ELAC1: variants seen among roughly 807,000 people sequenced by gnomAD.
ELAC1 encodes zinc phosphodiesterase ELAC protein 1.
A neutral mutation model predicts 25.8 loss-of-function variants in ELAC1; 19 were observed. The ratio of observed to expected loss-of-function variants is 0.74; its 90% CI spans 0.51 to 1.08. ELAC1 has a LOEUF of 1.08. Among genes scored for constraint, ELAC1 ranks in the 50% least tolerant of loss-of-function variants. The pLI, the probability that ELAC1 is intolerant of heterozygous loss-of-function variation, is 0.00. For missense variants in ELAC1, 403 were observed against 434.6 expected (o/e 0.93, Z 0.65); for synonymous variants, 148 against 160.9 (o/e 0.92, Z 0.61).
intron 2 of ELAC1, among the ~76,000 whole-genome samples, chr18:50,983,693 A>T (rs1223945696): frequency 6.4e-5 from 5 of 78,062 alleles, no homozygotes; most frequent in African/African-American, 1.6e-4. Flanking sequence ...TACAAAATTA[A>T]AAAAAAAAAA....
chr18:50,981,115 A>G (rs1276407813), intron 2 of ELAC1, among the ~76,000 whole-genome samples: 1 of 130,376 alleles, frequency 7.7e-6, no homozygotes, highest in African/African-American at 3.1e-5. Context: ...CTACTCTTCC[A>G]AGTCTTCCAT....
At position 50,977,582 on chromosome 18, in the gene ELAC1, G is replaced by A. The variant is rs549794200; in HGVS notation, c.157+3021G>A. Among the ~76,000 whole-genome samples the A allele has an allele frequency of 1.0e-3, 159 of 152,286 alleles. 1 individual carries two copies. Among genetic ancestry groups the A allele is most frequent in the African/African-American group, 3.8e-3 (156 of 41,568 alleles). On this transcript the variant is annotated intron_variant, in intron 2 of 3. Transcript: ENST00000269466. ...AACCGTTTTTCCCTCCTAGGCCTCTGGGCACGTGATGGGAGGGGCTGCTGT... is the reference window on the plus strand; with the variant it reads ...AACCGTTTTTCCCTCCTAGGCCTCTAGGCACGTGATGGGAGGGGCTGCTGT...
chr18:50,975,793 T>C (rs1206346768), intron 2 of ELAC1, among the ~76,000 whole-genome samples: 1 of 152,036 alleles, frequency 6.6e-6, no homozygotes, highest in East Asian at 1.9e-4. Flanking sequence ...TCATGTAATG[T>C]GATAAGTAGA....
intron 2 of ELAC1, among the ~76,000 whole-genome samples, chr18:50,975,163 C>G (rs1907769862): frequency 6.6e-6 from 1 of 152,134 alleles, no homozygotes; most frequent in Admixed American, 6.5e-5. Context: ...CTGGCTGTGT[C>G]TTGGGCCTGT....
At chr18:50,978,844 T>C (rs1204588016) in intron 2 of ELAC1, among the ~76,000 whole-genome samples, 1 of 151,782 alleles carries the variant, frequency 6.6e-6, no homozygotes, top group African/African-American at 2.4e-5. Flanking sequence ...AGGAAAAGAG[T>C]TGTTGGAGGA....
rs1195239004 is a variant in ELAC1, at chr18:50,987,841, C to T, written c.*756C>T. 1.3e-5 allele frequency: 2 copies of T among 152,146 alleles called. No homozygotes were observed. The highest frequency in any genetic ancestry group is 4.1e-4 in the South Asian group (2 of 4,830). The allele number at this position is 152,146 out of a possible 1,614,324, so 9.4% of individuals were successfully genotyped here. On this transcript the variant is annotated 3_prime_UTR_variant, in exon 4 of 4. Transcript: ENST00000269466. ...TCATATACAATAAAGAATCATCTCA[C>T]CCCGAAATGCAAATTGCAGGCCCAT...
chr18:50,974,651 C>A, intron 2 of ELAC1, 90 bp downstream of exon 2: 2 of 1,289,038 alleles, frequency 1.6e-6, no homozygotes, highest in Non-Finnish European at 2.2e-6. Context: ...TTAGAAACAG[C>A]CCTGATGGTT....
chr18:50,970,514 A>T (rs1190317062), intron 1 of ELAC1, among the ~76,000 whole-genome samples: 1 of 152,184 alleles, frequency 6.6e-6, no homozygotes, highest in Non-Finnish European at 1.5e-5. Flanking sequence ...GTGATAATGT[A>T]GAGTAACACA....
At position 50,987,171 on chromosome 18, in the gene ELAC1, T is replaced by C; in HGVS notation, c.*86T>C. 1 of 1,010,148 alleles carries C rather than the reference T, an allele frequency of 9.9e-7. No individual in the cohort carries two copies. Among genetic ancestry groups the C allele is most frequent in the Admixed American group, 3.2e-5 (1 of 31,626 alleles). 62.6% of individuals were successfully genotyped at this position (1,010,148 alleles called of 1,614,324 possible). ...AGTTTTTTTATTTCTTGTTTTAGTC[T>C]GAAATTATTTGGGCCCTAATAATCC... On this transcript the variant is annotated 3_prime_UTR_variant, in exon 4 of 4. Transcript: ENST00000269466.
Position 50,987,700 on chromosome 18 carries a change from G to T in ELAC1, c.*615G>T, listed in dbSNP as rs982909325. On this transcript the variant is annotated 3_prime_UTR_variant, in exon 4 of 4. Coordinates refer to ENST00000269466, the MANE Select transcript of ELAC1 (RefSeq NM_018696.3). ...CTCTAGAAGCAGGTTTGAAATTATG[G>T]GTATGTTTTCTTGTCACAGTGACTG... The T allele has an allele frequency of 1.3e-5, 2 of 152,150 alleles. No homozygotes were observed. The highest frequency in any genetic ancestry group is 2.9e-5 in the Non-Finnish European group (2 of 68,030). The allele number at this position is 152,150 out of a possible 1,614,324, so 9.4% of individuals were successfully genotyped here.
intron 2 of ELAC1, among the ~76,000 whole-genome samples, chr18:50,975,155 G>C (rs1448531757): frequency 6.6e-6 from 1 of 152,096 alleles, no homozygotes; most frequent in African/African-American, 2.4e-5. Flanking sequence ...TTCTAGTCCT[G>C]GCTGTGTCTT....
rs111306179 is a variant in ELAC1 at position 50,972,473 on chromosome 18, A to T, written c.-8-1924A>T. 2.1e-3 allele frequency among the ~76,000 whole-genome samples: 323 copies of T among 151,484 alleles called. 2 individuals carry two copies. Among genetic ancestry groups the T allele is most frequent in the Middle Eastern group, 6.8e-3 (2 of 294 alleles). ...TTTTTGTGCCAATATTATTGTTTGT[A>T]TGTATGTATGTATGTATGTATTTGT... is the stretch of plus-strand genomic sequence containing the variant. On this transcript the variant is annotated intron_variant, in intron 1 of 3. Coordinates refer to ENST00000269466, the MANE Select transcript of ELAC1 (RefSeq NM_018696.3).
At chr18:50,984,662 T>C in intron 3 of ELAC1, 99 bp downstream of exon 3, 1 of 911,096 alleles carries the variant, frequency 1.1e-6, no homozygotes, top group Non-Finnish European at 1.7e-6. Flanking sequence ...CCAGGAGTTG[T>C]GGCTCACGCC....
At chr18:50,971,286 A>G (rs1014332117) in intron 1 of ELAC1, among the ~76,000 whole-genome samples, 10 of 152,168 alleles carry the variant, frequency 6.6e-5, no homozygotes, top group African/African-American at 2.4e-4. Context: ...TAACTTTGTC[A>G]CCATTAGTTT....
intron 2 of ELAC1, among the ~76,000 whole-genome samples, chr18:50,983,231 C>T (rs1001473941): frequency 2.3e-5 from 3 of 129,818 alleles, no homozygotes; most frequent in South Asian, 2.6e-4. Context: ...GGCACAATCT[C>T]GACTCACGCA....
chr18:50,970,058 T>C (rs1277406454), intron 1 of ELAC1, among the ~76,000 whole-genome samples: 1 of 152,180 alleles, frequency 6.6e-6, no homozygotes, highest in Non-Finnish European at 1.5e-5. Flanking sequence ...TGTTCTGGGA[T>C]GGAGCCCAAT....
intron 1 of ELAC1, among the ~76,000 whole-genome samples, chr18:50,971,890 G>GTA (rs1253586508): frequency 8.7e-5 from 10 of 114,586 alleles, no homozygotes; most frequent in Admixed American, 4.6e-4. Context: ...GTATATATAT[G>GTA]TATATATGTG....
In ELAC1 at chr18:50,968,046, C is replaced by A. The variant is rs1338103438; in HGVS notation, c.-77C>A. On this transcript the variant is annotated 5_prime_UTR_variant, in exon 1 of 4. Coordinates refer to ENST00000269466, the MANE Select transcript of ELAC1 (RefSeq NM_018696.3). ...ACTTCCGCCCGGGCGCATTGTAGCC[C>A]CGCGGACAGCTGGGCCAGGGTGCGG... The A allele has an allele frequency of 6.6e-6, 1 of 151,992 alleles. No individual in the cohort carries two copies. Among genetic ancestry groups the A allele is most frequent in the Non-Finnish European group, 1.5e-5 (1 of 67,988 alleles). 9.4% of individuals were successfully genotyped at this position (151,992 alleles called of 1,614,324 possible).
At chr18:50,983,172 T>TG (rs1375788621) in intron 2 of ELAC1, among the ~76,000 whole-genome samples, 16 of 142,282 alleles carry the variant, frequency 1.1e-4, no homozygotes, top group African/African-American at 3.7e-4. Flanking sequence ...TTTTTTTTTT[T>TG]TTTTTTTTTG....
Sources: allele counts gnomAD v4.1 joint callset (sites outside exome capture counted in the v4.1 genomes callset), GRCh38; gene constraint gnomAD v4.1.1; transcripts MANE v1.5; gene names NCBI Gene and HGNC (gene_info 2026-07-23, HGNC 2026-07-21).